The following TAFA1 variants were observed in gnomAD, a reference collection of about 807,000 sequenced individuals.
The protein encoded by TAFA1 is TAFA chemokine like family member 1, also known as chemokine-like protein TAFA-1.
A neutral mutation model predicts 18.5 loss-of-function variants in TAFA1; 4 were observed. The ratio of observed to expected loss-of-function variants is 0.22; its 90% CI spans 0.11 to 0.49. The LOEUF (loss-of-function observed/expected upper bound fraction) is 0.49. TAFA1 is among the 20% of genes least tolerant of loss of function. The probability of loss-of-function intolerance (pLI) is 0.98; values close to 1 mark genes in which losing one functional copy is unlikely to be tolerated. For synonymous variants in TAFA1, 56 were observed against 55.2 expected, an observed-to-expected ratio of 1.01 and a Z score of -0.06; for missense variants, 147 against 169.0, an observed-to-expected ratio of 0.87 and a Z score of 0.72.
At chr3:68,431,916 A>G (rs1352096759) in intron 3 of TAFA1, among the ~76,000 whole-genome samples, 2 of 152,136 alleles carry the variant, frequency 1.3e-5, no homozygotes, top group East Asian at 1.9e-4. Flanking sequence ...TGAAAGGGTC[A>G]TAATAGATCA....
At chr3:68,211,840 C>G (rs982845279) in intron 2 of TAFA1, among the ~76,000 whole-genome samples, 1 of 152,032 alleles carries the variant, frequency 6.6e-6, no homozygotes, top group African/African-American at 2.4e-5. Context: ...AGAGCAAGAA[C>G]TCTGGCCATT....
chr3:68,144,890 CA>C, intron 2 of TAFA1: 1 of 662,266 alleles, frequency 1.5e-6, no homozygotes, highest in Non-Finnish European at 2.8e-6. Context: ...ATTTCCTCAT[CA>C]AAAAATTGGA....
chr3:68,545,602 G>T lies in TAFA1; in HGVS notation c.*1099G>T, dbSNP rs1388576699. On this transcript the variant is annotated 3_prime_UTR_variant, in exon 5 of 5. Coordinates refer to ENST00000478136, the MANE Select transcript of TAFA1 (RefSeq NM_213609.4). ...AATGTTGGACAGCCCTATTAAAGTGGTAAACAACTTCTTTCTAAACCTACT... is the reference window on the plus strand; with the variant it reads ...AATGTTGGACAGCCCTATTAAAGTGTTAAACAACTTCTTTCTAAACCTACT... 6.6e-6 allele frequency: 1 copy of T among 152,548 alleles called. No homozygotes were observed. The highest frequency in any genetic ancestry group is 6.6e-5 in the Admixed American group (1 of 15,256). 9.4% of individuals were successfully genotyped at this position (152,548 alleles called of 1,614,324 possible).
At chr3:68,449,116 T>G (rs2071523173) in intron 3 of TAFA1, among the ~76,000 whole-genome samples, 3 of 152,026 alleles carry the variant, frequency 2.0e-5, no homozygotes, top group African/African-American at 7.3e-5. Flanking sequence ...CAGATACATC[T>G]CCACAAAATA....
intron 2 of TAFA1, among the ~76,000 whole-genome samples, chr3:68,167,149 GT>G (rs2106950326): frequency 6.6e-6 from 1 of 152,298 alleles, no homozygotes; most frequent in East Asian, 1.9e-4. Flanking sequence ...TAGTGCTGTG[GT>G]TGGGACATAA....
intron 3 of TAFA1, among the ~76,000 whole-genome samples, chr3:68,457,091 C>G (rs2071680307): frequency 6.6e-6 from 1 of 152,216 alleles, no homozygotes; most frequent in Non-Finnish European, 1.5e-5. Flanking sequence ...ATTAGAGTCA[C>G]ATGGCATTTT....
chr3:68,461,242 A>C (rs2071771733), intron 3 of TAFA1, among the ~76,000 whole-genome samples: 1 of 151,736 alleles, frequency 6.6e-6, no homozygotes, highest in African/African-American at 2.4e-5. Flanking sequence ...AGATTGCGCC[A>C]CTGCACTCCA....
intron 2 of TAFA1, among the ~76,000 whole-genome samples, chr3:68,094,383 G>A (rs999959253): frequency 5.3e-5 from 8 of 152,072 alleles, no homozygotes; most frequent in African/African-American, 1.9e-4. Flanking sequence ...CACAGGCAGG[G>A]CTCTTAGTCT....
chr3:68,480,252 A>AAT (rs1482758958), intron 3 of TAFA1, among the ~76,000 whole-genome samples: 1 of 150,990 alleles, frequency 6.6e-6, no homozygotes, highest in Non-Finnish European at 1.5e-5. Context: ...AAAAAAAAAA[A>AAT]ATTAGCCAGG....
chr3:68,485,012 C>G (rs190187946), intron 3 of TAFA1, among the ~76,000 whole-genome samples: 47 of 152,302 alleles, frequency 3.1e-4, no homozygotes, highest in African/African-American at 1.1e-3. Context: ...AACACATGCT[C>G]TTGCAAAGAT....
intron 2 of TAFA1, among the ~76,000 whole-genome samples, chr3:68,241,898 T>C (rs1442571182): frequency 6.6e-6 from 1 of 152,164 alleles, no homozygotes; most frequent in South Asian, 2.1e-4. Context: ...AGACATAAAA[T>C]CTGTAATTGG....
At chr3:68,260,496 T>A (rs2067394016) in intron 2 of TAFA1, among the ~76,000 whole-genome samples, 1 of 152,162 alleles carries the variant, frequency 6.6e-6, no homozygotes, top group Non-Finnish European at 1.5e-5. Flanking sequence ...TTGATTGGAA[T>A]AGTTTCAGAA....
intron 2 of TAFA1, among the ~76,000 whole-genome samples, chr3:68,268,565 T>C (rs1395800569): frequency 6.6e-6 from 1 of 151,994 alleles, no homozygotes; most frequent in Non-Finnish European, 1.5e-5. Flanking sequence ...GTGAAGGAAA[T>C]GAAAGGTGAA....
At chr3:68,263,582 G>A (rs901592815) in intron 2 of TAFA1, among the ~76,000 whole-genome samples, 5 of 151,760 alleles carry the variant, frequency 3.3e-5, no homozygotes, top group East Asian at 3.9e-4. Flanking sequence ...CTATGACCTC[G>A]CTTTACAGAA....
chr3:68,444,805 TATATATAA>T (rs1288117198), intron 3 of TAFA1, among the ~76,000 whole-genome samples: 2 of 91,984 alleles, frequency 2.2e-5, no homozygotes, highest in African/African-American at 4.5e-5. Context: ...TATATATATA[TATATATAA>T]AATAAATTAA....
chr3:68,010,163 G>T (rs1194119131), intron 2 of TAFA1, among the ~76,000 whole-genome samples: 1 of 152,200 alleles, frequency 6.6e-6, no homozygotes, highest in Non-Finnish European at 1.5e-5. Context: ...TTGAATGGAA[G>T]GAGAGTGAAA....
chr3:68,112,467 A>G (rs1387163305), intron 2 of TAFA1, among the ~76,000 whole-genome samples: 1 of 152,216 alleles, frequency 6.6e-6, no homozygotes, highest in African/African-American at 2.4e-5. Context: ...CTAATCAACA[A>G]GATAATTTCT....
intron 3 of TAFA1, among the ~76,000 whole-genome samples, chr3:68,432,093 G>A (rs929024781): frequency 6.6e-6 from 1 of 151,950 alleles, no homozygotes; most frequent in Non-Finnish European, 1.5e-5. Context: ...GGATGGTGGT[G>A]CCAAGGTCAT....
At chr3:68,472,260 A>T (rs1440354160) in intron 3 of TAFA1, among the ~76,000 whole-genome samples, 1 of 152,110 alleles carries the variant, frequency 6.6e-6, no homozygotes, top group African/African-American at 2.4e-5. Context: ...GGTTTTATAA[A>T]TGGGAGTTTC....
Sources: allele counts gnomAD v4.1 joint callset (sites outside exome capture counted in the v4.1 genomes callset), GRCh38; gene constraint gnomAD v4.1.1; transcripts MANE v1.5; gene names NCBI Gene and HGNC (gene_info 2026-07-23, HGNC 2026-07-21).